The following STK3 variants were observed in gnomAD, a reference collection of about 807,000 sequenced individuals.
The protein encoded by STK3 is serine/threonine kinase 3, also known as serine/threonine-protein kinase 3.
STK3 carries 41 observed loss-of-function variants against 58.0 expected under a neutral mutation model. The ratio of observed to expected loss-of-function variants is 0.71; its 90% CI spans 0.55 to 0.92. The LOEUF is 0.92. Ranked by LOEUF, STK3 falls within the 40% of genes least tolerant of loss-of-function variation. The pLI is 0.00. For missense variants in STK3, 479 were observed against 602.7 expected (o/e 0.79, Z 2.15); for synonymous variants, 170 against 191.0 (o/e 0.89, Z 0.91).
chr8:98,695,676 T>G (rs1824846175), intron 6 of STK3, among the ~76,000 whole-genome samples: 1 of 152,222 alleles, frequency 6.6e-6, no homozygotes, highest in Non-Finnish European at 1.5e-5. Flanking sequence ...GCATTATTTC[T>G]GAGGGCTCTG....
chr8:98,869,226 GC>G (rs1837271989), intron 3 of STK3, among the ~76,000 whole-genome samples: 1 of 152,148 alleles, frequency 6.6e-6, no homozygotes, highest in Non-Finnish European at 1.5e-5. Flanking sequence ...TTCGAGGCCA[GC>G]CTGGCCAACA....
intron 7 of STK3, among the ~76,000 whole-genome samples, chr8:98,584,433 AT>A (rs1393773442): frequency 1.6e-4 from 24 of 151,736 alleles, no homozygotes; most frequent in Admixed American, 1.3e-3. Context: ...TGAACTCATC[AT>A]TTTTTATGGC....
At chr8:98,754,299 G>A (rs1324217240) in intron 3 of STK3, among the ~76,000 whole-genome samples, 2 of 152,014 alleles carry the variant, frequency 1.3e-5, no homozygotes, top group African/African-American at 2.4e-5. Flanking sequence ...AAGGTATGGC[G>A]CCTATGTGGA....
intron 3 of STK3, among the ~76,000 whole-genome samples, chr8:98,858,351 GAGAGAGAGAC>G (rs1329528667): frequency 1.0e-4 from 14 of 137,374 alleles, no homozygotes; most frequent in Admixed American, 3.7e-4. Flanking sequence ...GAGAGAGAGA[GAGAGAGAGAC>G]AGAGAGAGAG....
the STK3 span, among the ~76,000 whole-genome samples, chr8:98,351,571 T>C: frequency 6.6e-6 from 1 of 152,132 alleles, no homozygotes; most frequent in African/African-American, 2.4e-5. Flanking sequence ...AAGAGGTTAA[T>C]AAAAGTTCTG....
intron 3 of STK3, chr8:98,427,886 G>GC: frequency 9.0e-7 from 1 of 1,110,410 alleles, no homozygotes; most frequent in South Asian, 1.6e-5. Context: ...GGGAGAGGGG[G>GC]CCCCGCCAGG....
chr8:98,832,627 A>G (rs1239344381), intron 3 of STK3, among the ~76,000 whole-genome samples: 1 of 152,078 alleles, frequency 6.6e-6, no homozygotes, highest in Non-Finnish European at 1.5e-5. Context: ...ATAATGAGGT[A>G]TGTCTGACCG....
intron 6 of STK3, among the ~76,000 whole-genome samples, chr8:98,655,909 A>T (rs1821457517): frequency 6.6e-6 from 1 of 152,372 alleles, no homozygotes; most frequent in East Asian, 1.9e-4. Context: ...GAGTTCAACC[A>T]TTGTGGAAGT....
intron 6 of STK3, among the ~76,000 whole-genome samples, chr8:98,702,392 T>C (rs1825691206): frequency 6.6e-6 from 1 of 152,212 alleles, no homozygotes; most frequent in South Asian, 2.1e-4. Flanking sequence ...TTTAGTGCCA[T>C]CTTTAAGTTC....
chr8:98,462,441 T>C lies in STK3; in HGVS notation c.1318-6441A>G, dbSNP rs577746227. On this transcript the variant is annotated intron_variant, in intron 10 of 10. Transcript: ENST00000419617. ...CATCCTTCAGTGAGTTAGCTGTGCA[T>C]GGGCCTATCTTGCCAGCTAGATTGC... is the stretch of plus-strand genomic sequence containing the variant. Among the ~76,000 whole-genome samples the C allele has an allele frequency of 2.6e-5, 4 of 152,308 alleles. No individual in the cohort carries two copies. The South Asian group carries it at 8.3e-4, about 32-fold the overall frequency.
At chr8:98,803,129 T>C (rs1833670938) in intron 1 of STK3, among the ~76,000 whole-genome samples, 1 of 152,146 alleles carries the variant, frequency 6.6e-6, no homozygotes, top group Non-Finnish European at 1.5e-5. Flanking sequence ...GTTTTTTCTG[T>C]TATTGGGGGA....
chr8:98,421,797 AAATT>A lies in STK3; in HGVS notation n.483+12326_483+12329del, dbSNP rs1327208971. On this transcript the variant is annotated intron_variant and non_coding_transcript_variant, in intron 3 of 3. Transcript: ENST00000517832. Reference sequence around the variant, plus strand: ...TCTCAAAAATAAATAAATAAATAAAAAATTAATTATTCCAGTCTTGTCTCAGGAT... The same window carrying A: ...TCTCAAAAATAAATAAATAAATAAAAAATTATTCCAGTCTTGTCTCAGGAT... 4.6e-5 allele frequency among the ~76,000 whole-genome samples: 7 copies of A among 152,220 alleles called. No homozygotes were observed. The South Asian group carries it at 1.2e-3, about 27-fold the overall frequency.
At chr8:98,694,313 A>G (rs1390017754) in intron 6 of STK3, among the ~76,000 whole-genome samples, 1 of 152,186 alleles carries the variant, frequency 6.6e-6, no homozygotes, top group Non-Finnish European at 1.5e-5. Context: ...TAGGTAGTGT[A>G]AGGACACAGA....
intron 7 of STK3, among the ~76,000 whole-genome samples, chr8:98,590,137 G>A (rs554847114): frequency 6.6e-6 from 1 of 152,164 alleles, no homozygotes; most frequent in South Asian, 2.1e-4. Flanking sequence ...ATCTTCTCTT[G>A]AGAAAAGTGA....
At chr8:98,674,559 A>G (rs1432870918) in intron 6 of STK3, among the ~76,000 whole-genome samples, 1 of 152,150 alleles carries the variant, frequency 6.6e-6, no homozygotes, top group Non-Finnish European at 1.5e-5. Flanking sequence ...AGCATTCTAT[A>G]TATCAAACTT....
chr8:98,618,531 T>C (rs1817967923), intron 6 of STK3, among the ~76,000 whole-genome samples: 4 of 150,982 alleles, frequency 2.6e-5, no homozygotes, highest in Admixed American at 2.0e-4. Flanking sequence ...ACTGTCCCTG[T>C]TTGCAGACGA....
At chr8:98,395,672 T>A (rs779174288) in intron 3 of STK3, among the ~76,000 whole-genome samples, 19 of 152,246 alleles carry the variant, frequency 1.2e-4, no homozygotes, top group Admixed American at 2.6e-4. Context: ...GTTGTTGGAT[T>A]TGTGGATTCT....
At chr8:98,655,160 G>A (rs1563854184) in intron 6 of STK3, among the ~76,000 whole-genome samples, 1 of 152,022 alleles carries the variant, frequency 6.6e-6, no homozygotes, top group Non-Finnish European at 1.5e-5. Context: ...GAACAGAACA[G>A]AGCCCTCAGA....
At chr8:98,795,453 A>G (rs918404711) in intron 1 of STK3, among the ~76,000 whole-genome samples, 7 of 152,024 alleles carry the variant, frequency 4.6e-5, no homozygotes, top group Non-Finnish European at 8.8e-5. Context: ...TAAGCAAAAA[A>G]TGGAAGCATT....
Sources: allele counts gnomAD v4.1 joint callset (sites outside exome capture counted in the v4.1 genomes callset), GRCh38; gene constraint gnomAD v4.1.1; transcripts MANE v1.5; gene names NCBI Gene and HGNC (gene_info 2026-07-23, HGNC 2026-07-21).